The following KIAA0586 variants were observed in gnomAD, a reference collection of about 807,000 sequenced individuals.
The protein encoded by KIAA0586 is KIAA0586.
A neutral mutation model predicts 169.8 loss-of-function variants in KIAA0586; 144 were observed. That is an observed-to-expected ratio of 0.85 (90% CI 0.74 to 0.97). The LOEUF is 0.97. KIAA0586 is among the 50% of genes least tolerant of loss of function. KIAA0586 has a pLI of 0.00. For synonymous variants in KIAA0586, 625 were observed against 612.4 expected (o/e 1.02, Z -0.30); for missense variants, 1,854 against 1,823.0 (o/e 1.02, Z -0.31).
intron 29 of KIAA0586, among the ~76,000 whole-genome samples, chr14:58,529,710 A>T (rs570351815): frequency 6.6e-6 from 1 of 152,300 alleles, no homozygotes; most frequent in Admixed American, 6.5e-5. Context: ...CATATCTCAA[A>T]ATAGTAAGGG....
chr14:58,469,488 C>G lies in KIAA0586; in HGVS notation c.2443-1125C>G, dbSNP rs541012710. Among the ~76,000 whole-genome samples the G allele has an allele frequency of 5.9e-5, 9 of 152,274 alleles. No individual in the cohort carries two copies. The South Asian group carries it at 1.7e-3, about 28-fold the overall frequency. On this transcript the variant is annotated intron_variant, in intron 16 of 30. Coordinates refer to ENST00000652326, the MANE Select transcript of KIAA0586 (RefSeq NM_001329943.3). ...GGCTTCGGGAGACCTGGGGACACTT[C>G]AGCCTGGACAGCTCCCTGAGCCAAG...
At chr14:58,528,399 A>G (rs560444075) in intron 29 of KIAA0586, among the ~76,000 whole-genome samples, 3 of 152,322 alleles carry the variant, frequency 2.0e-5, no homozygotes, top group East Asian at 3.9e-4. Flanking sequence ...AACAGAGTAT[A>G]CATTCTTCTT....
intron 16 of KIAA0586, among the ~76,000 whole-genome samples, 152 bp downstream of exon 16, chr14:58,468,074 T>C (rs1004886420): frequency 5.3e-5 from 8 of 152,206 alleles, no homozygotes; most frequent in Non-Finnish European, 1.0e-4. Context: ...AGACAGAGTT[T>C]TGCTCTTGTC....
chr14:58,522,294 CT>C (rs1472301883), intron 29 of KIAA0586, among the ~76,000 whole-genome samples: 1 of 152,190 alleles, frequency 6.6e-6, no homozygotes, highest in Non-Finnish European at 1.5e-5. Context: ...CCAAAATAAT[CT>C]TTTGTTATGC....
At chr14:58,484,891 T>TATATATATATA (rs1280378386) in intron 21 of KIAA0586, among the ~76,000 whole-genome samples, 8 of 16,702 alleles carry the variant, frequency 4.8e-4, no homozygotes, top group East Asian at 5.8e-3. Context: ...TATATATATT[T>TATATATATATA]ATATATATAT....
downstream of KIAA0586, among the ~76,000 whole-genome samples, chr14:58,555,099 CTTTTTTTTTTTTTTT>C (rs35845234): frequency 4.9e-5 from 5 of 102,560 alleles, no homozygotes; most frequent in African/African-American, 2.0e-4. Context: ...TTCTTTCTTT[CTTTTTTTTTTTTTTT>C]TTTTTTGAGA....
Position 58,453,407 on chromosome 14 carries a change from G to A in KIAA0586, c.1187G>A (p.Ser396Asn), listed in dbSNP as rs1349839476. ...AATAATGATTCTTTGACAAGAAAAA[G>A]TGAATCATCAAACACCACCTCACTA... is the stretch of plus-strand genomic sequence containing the variant. ...LNNNDSLTRK[S>N]ESSNTTSLTR... The change falls in exon 9 of 31, where the codon AGT becomes AAT. Residue 396 changes from serine (S) to asparagine (N), a missense_variant. Coordinates refer to ENST00000652326, the MANE Select transcript of KIAA0586 (RefSeq NM_001329943.3). The A allele has an allele frequency of 1.3e-6, 2 of 1,481,936 alleles. No homozygotes were observed. Among genetic ancestry groups the A allele is most frequent in the Admixed American group, 2.2e-5 (1 of 46,428 alleles). 91.8% of individuals were successfully genotyped at this position (1,481,936 alleles called of 1,614,324 possible).
At chr14:58,462,450 G>A (rs1461468711) in intron 14 of KIAA0586, among the ~76,000 whole-genome samples, 4 of 151,702 alleles carry the variant, frequency 2.6e-5, no homozygotes, top group East Asian at 3.9e-4. Context: ...ACAGGGTTTT[G>A]CCACATTGGC....
At chr14:58,520,510 TTTG>T (rs56230772) in intron 29 of KIAA0586, among the ~76,000 whole-genome samples, 60,005 of 150,326 alleles carry the variant, frequency 0.4, 12,491 homozygotes, top group African/African-American at 0.53. Flanking sequence ...TTTTTGGGGT[TTTG>T]TTGTTGTTGT....
Position 58,521,945 on chromosome 14 carries a change from AAGG to A in KIAA0586, c.4429+9321_4429+9323del, listed in dbSNP as rs2045260368. On this transcript the variant is annotated intron_variant, in intron 29 of 30. Transcript: ENST00000652326. ...AAGGATGATGAAAAAGAGGCTGAAG[AAGG>A]AGAGGATGACAGAGACAGCACCAAT... The A allele has an allele frequency of 2.9e-6, 4 of 1,378,922 alleles. No individual in the cohort carries two copies. In the South Asian group the frequency reaches 4.6e-5, roughly 16 times the overall value. 85.4% of individuals were successfully genotyped at this position (1,378,922 alleles called of 1,614,324 possible). A position where few individuals can be genotyped will look rare whatever the true frequency, so the allele number is the denominator to read the frequency against.
Position 58,439,218 on chromosome 14 carries a change from G to A in KIAA0586, c.411-3488G>A, listed in dbSNP as rs147152313. ...TTCTTTTTTTTTGAGACGGAGTCTC[G>A]CTCTATTGCCCACGCTGGAGTGCAG... On this transcript the variant is annotated intron_variant, in intron 4 of 30. Transcript: ENST00000652326. 3.0e-4 allele frequency among the ~76,000 whole-genome samples: 46 copies of A among 151,432 alleles called. 1 individual carries two copies. The highest frequency in any genetic ancestry group is 1.1e-3 in the African/African-American group (45 of 41,276).
intron 15 of KIAA0586, 148 bp from the exon 16 acceptor site, chr14:58,467,587 T>C: frequency 1.7e-6 from 1 of 584,416 alleles, no homozygotes; most frequent in Non-Finnish European, 3.0e-6. Flanking sequence ...GGTGAGTATG[T>C]CGACAGTGCT....
intron 29 of KIAA0586, among the ~76,000 whole-genome samples, chr14:58,524,517 G>A (rs535434554): frequency 6.6e-6 from 1 of 152,228 alleles, no homozygotes; most frequent in South Asian, 2.1e-4. Flanking sequence ...AGAAGAGGGA[G>A]GACCACCCTT....
In KIAA0586 at chr14:58,537,838, G is replaced by A. The variant is rs550697564; in HGVS notation, c.4430-2233G>A. On this transcript the variant is annotated intron_variant, in intron 29 of 30. Coordinates refer to ENST00000652326, the MANE Select transcript of KIAA0586 (RefSeq NM_001329943.3). ...AATTTTTTGTATTTTTAGTAGAGAT[G>A]GGGTTTCACCGTGTTAGCCAGGATG... Among the ~76,000 whole-genome samples, 299 of 152,072 alleles carry A rather than the reference G, an allele frequency of 2.0e-3. 3 individuals carry two copies. Among genetic ancestry groups the A allele is most frequent in the African/African-American group, 6.8e-3 (281 of 41,474 alleles).
rs1025384615 is a variant in KIAA0586, at chr14:58,538,636, G to A, written c.4430-1435G>A. The stretch of plus-strand genomic sequence containing the variant: ...AATTATTTTTTACTATAGTCACCCT[G>A]TTGTGCTAGCAAATTACTGGGCCTA... On this transcript the variant is annotated intron_variant, in intron 29 of 30. Transcript: ENST00000652326. 2.7e-5 allele frequency among the ~76,000 whole-genome samples: 4 copies of A among 148,984 alleles called. No homozygotes were observed. In the South Asian group the frequency reaches 8.5e-4, roughly 32 times the overall value.
intron 4 of KIAA0586, among the ~76,000 whole-genome samples, chr14:58,435,953 C>T (rs2037788498): frequency 6.6e-6 from 1 of 152,144 alleles, no homozygotes; most frequent in Non-Finnish European, 1.5e-5. Context: ...AGGCGATCTG[C>T]CCACCTTGGC....
chr14:58,461,660 T>G (rs966100149), intron 14 of KIAA0586, among the ~76,000 whole-genome samples: 1 of 152,138 alleles, frequency 6.6e-6, no homozygotes, highest in Non-Finnish European at 1.5e-5. Flanking sequence ...TGGGTGATGA[T>G]GAATCTTGAG....
intron 19 of KIAA0586, among the ~76,000 whole-genome samples, chr14:58,475,750 C>T (rs1390326926): frequency 1.3e-5 from 2 of 152,016 alleles, no homozygotes; most frequent in Non-Finnish European, 2.9e-5. Context: ...AATGTACTGG[C>T]ATATAAACAA....
In KIAA0586 at chr14:58,483,611, G is replaced by C. The variant is rs183496319; in HGVS notation, c.3144+899G>C. 2.2e-3 allele frequency among the ~76,000 whole-genome samples: 330 copies of C among 151,832 alleles called. 3 individuals are homozygous for C. Among genetic ancestry groups the C allele is most frequent in the Non-Finnish European group, 1.6e-3 (110 of 67,920 alleles). On this transcript the variant is annotated intron_variant, in intron 21 of 30. Coordinates refer to ENST00000652326, the MANE Select transcript of KIAA0586 (RefSeq NM_001329943.3). ...ATAGCCAAGGATCATACATTGCTTTGCGTTATTATATGAACTGATATTTTT... is the reference window on the plus strand; with the variant it reads ...ATAGCCAAGGATCATACATTGCTTTCCGTTATTATATGAACTGATATTTTT...
Sources: gnomAD v4.1 joint callset for allele counts (sites outside exome capture counted in the v4.1 genomes callset) on GRCh38, gnomAD v4.1.1 for gene constraint, MANE v1.5 for transcripts, NCBI Gene and HGNC (gene_info 2026-07-23, HGNC 2026-07-21) for gene names.